Variants in HERC4 observed in about 807,000 individuals in gnomAD.
The protein encoded by HERC4 is probable E3 ubiquitin-protein ligase HERC4.
Under a neutral mutation model 124.3 loss-of-function variants are expected in HERC4, and 28 were observed. The observed-to-expected ratio is 0.23, with a 90% CI of 0.17 to 0.31. The LOEUF is 0.31. Ranked by LOEUF, HERC4 falls within the 10% of genes least tolerant of loss-of-function variation. HERC4 has a pLI of 1.00. For synonymous variants in HERC4, 407 were observed against 421.5 expected (o/e 0.97, Z 0.42); for missense variants, 713 against 1,229.3 (o/e 0.58, Z 6.28).
rs2034706446 is a variant in HERC4 at position 67,964,125 on chromosome 10, A to G, written c.1926+2558T>C. Among the ~76,000 whole-genome samples, 3 of 139,212 alleles carry G rather than the reference A, an allele frequency of 2.2e-5. No individual in the cohort carries two copies. The Admixed American group carries it at 2.3e-4, about 11-fold the overall frequency. 91.3% of individuals were successfully genotyped at this position (139,212 alleles called of 152,430 possible). A position where few individuals can be genotyped will look rare whatever the true frequency, so the allele number is the denominator to read the frequency against. On this transcript the variant is annotated intron_variant, in intron 16 of 24. Transcript: ENST00000373700. ...TTTTTTTTTTGCTCCTCTTCAATGC[A>G]GAACTTCGTCAAAGTATTGCCAATG... is the stretch of plus-strand genomic sequence containing the variant.
chr10:68,057,108 A>AAT (rs751097405), intron 3 of HERC4, among the ~76,000 whole-genome samples: 139 of 151,660 alleles, frequency 9.2e-4, no homozygotes, highest in African/African-American at 2.6e-3. Context: ...ACATCCATGT[A>AAT]ATATATATAT....
At chr10:67,973,769 A>G (rs1049256345) in intron 15 of HERC4, among the ~76,000 whole-genome samples, 1 of 152,194 alleles carries the variant, frequency 6.6e-6, no homozygotes, top group Admixed American at 6.6e-5. Flanking sequence ...ATTACTGTAC[A>G]TAGGTTGGGC....
intron 3 of HERC4, among the ~76,000 whole-genome samples, chr10:68,059,884 ATATC>A (rs1459236331): frequency 1.3e-5 from 1 of 77,446 alleles, no homozygotes. Flanking sequence ...ATAATATTAT[ATATC>A]ATAATATTAT....
intron 15 of HERC4, 66 bp from the exon 16 acceptor site, chr10:67,966,868 T>A: frequency 2.3e-6 from 3 of 1,287,976 alleles, no homozygotes; most frequent in Non-Finnish European, 3.1e-6. Flanking sequence ...TTTTTTTTAT[T>A]TTTTGAGACG....
chr10:68,039,368 G>A (rs1221515718), intron 4 of HERC4: 7 of 1,518,256 alleles, frequency 4.6e-6, no homozygotes, highest in African/African-American at 4.2e-5. Context: ...GGGATGGGGA[G>A]GTACACAATA....
chr10:67,979,719 C>T (rs188021645), intron 15 of HERC4, among the ~76,000 whole-genome samples: 90 of 152,164 alleles, frequency 5.9e-4, no homozygotes, highest in Non-Finnish European at 1.0e-3. Context: ...AAGAGCTGGG[C>T]GCAGTAGCTC....
chr10:68,033,163 A>G (rs2039295371), intron 6 of HERC4, among the ~76,000 whole-genome samples: 1 of 152,132 alleles, frequency 6.6e-6, no homozygotes. Context: ...TTCCACACAT[A>G]CATCATTCTT....
chr10:68,054,300 T>C (rs1460854081), intron 3 of HERC4, among the ~76,000 whole-genome samples: 1 of 152,082 alleles, frequency 6.6e-6, no homozygotes, highest in African/African-American at 2.4e-5. Context: ...TTTTCTTTTC[T>C]TCTTCTTTGT....
At chr10:67,945,561 C>G (rs1352688682) in intron 19 of HERC4, among the ~76,000 whole-genome samples, 1 of 152,092 alleles carries the variant, frequency 6.6e-6, no homozygotes, top group Non-Finnish European at 1.5e-5. Context: ...TATTATGACA[C>G]TCTAATTGTG....
chr10:67,924,277 T>C (rs1005226149), intron 24 of HERC4, among the ~76,000 whole-genome samples: 1 of 152,208 alleles, frequency 6.6e-6, no homozygotes, highest in African/African-American at 2.4e-5. Flanking sequence ...GTATGAGGTA[T>C]TAATAACATG....
At chr10:68,028,340 C>T (rs58627424) in intron 7 of HERC4, among the ~76,000 whole-genome samples, 11,936 of 151,802 alleles carry the variant, frequency 0.079, 1,231 homozygotes, top group African/African-American at 0.24. Flanking sequence ...AAGATCACTA[C>T]AAAAATTCAT....
At chr10:68,072,401 A>G (rs993511828) in intron 3 of HERC4, among the ~76,000 whole-genome samples, 2 of 152,242 alleles carry the variant, frequency 1.3e-5, no homozygotes, top group African/African-American at 2.4e-5. Context: ...ACTAAATCAA[A>G]TAAAATTACA....
chr10:67,990,236 T>C lies in HERC4; in HGVS notation c.1608A>G (p.Leu536=). 6.2e-7 allele frequency: 1 copy of C among 1,607,308 alleles called. No individual in the cohort carries two copies. Among genetic ancestry groups the C allele is most frequent in the Non-Finnish European group, 8.5e-7 (1 of 1,178,030 alleles). ...CAAGTACTTTCAGTGGTGCCTTTTC[T>C]AGGTTCACAAGAGCTGTACCAAAGG... is the stretch of plus-strand genomic sequence containing the variant. ...AIPFGTALVN[L]EKAPLKVLEN... Residue 536 remains leucine (L), a synonymous_variant, in exon 14 of 25, where the codon CTA becomes CTG. Transcript: ENST00000373700.
At chr10:67,959,196 T>G in intron 16 of HERC4, 1 of 1,454,576 alleles carries the variant, frequency 6.9e-7, no homozygotes, top group East Asian at 2.4e-5. Context: ...GTGTCCAAAT[T>G]TAACTATTTC....
chr10:67,930,962 G>A (rs1262641936), intron 23 of HERC4, among the ~76,000 whole-genome samples: 1 of 152,156 alleles, frequency 6.6e-6, no homozygotes, highest in Non-Finnish European at 1.5e-5. Context: ...TTACAGGCAT[G>A]AGACACCATG....
chr10:68,020,307 T>G (rs2038531847), intron 8 of HERC4, among the ~76,000 whole-genome samples: 1 of 151,760 alleles, frequency 6.6e-6, no homozygotes, highest in Non-Finnish European at 1.5e-5. Flanking sequence ...AAAGAAAATA[T>G]AAGCCAACAA....
intron 9 of HERC4, among the ~76,000 whole-genome samples, chr10:68,002,156 T>C (rs2037268959): frequency 1.3e-5 from 2 of 150,642 alleles, no homozygotes. Context: ...TGAGCTTAAC[T>C]GAAAAAGCCT....
At chr10:67,950,079 T>C (rs1235099702) in intron 19 of HERC4, among the ~76,000 whole-genome samples, 1 of 150,958 alleles carries the variant, frequency 6.6e-6, no homozygotes, top group Non-Finnish European at 1.5e-5. Flanking sequence ...CACAAAAGAG[T>C]ATCTCCAATA....
chr10:68,009,183 C>T (rs149423511), intron 9 of HERC4, among the ~76,000 whole-genome samples: 279 of 151,858 alleles, frequency 1.8e-3, no homozygotes, highest in African/African-American at 6.2e-3. Flanking sequence ...GAGATTGCAC[C>T]GCTGCACTTC....
Sources: gnomAD v4.1 joint callset for allele counts (sites outside exome capture counted in the v4.1 genomes callset) on GRCh38, gnomAD v4.1.1 for gene constraint, MANE v1.5 for transcripts, NCBI Gene and HGNC (gene_info 2026-07-23, HGNC 2026-07-21) for gene names.